CYP19A1: variants seen among roughly 807,000 people sequenced by gnomAD.
CYP19A1 encodes aromatase.
A neutral mutation model predicts 44.4 loss-of-function variants in CYP19A1; 32 were observed. That is an observed-to-expected ratio of 0.72 (90% CI 0.54 to 0.97). The LOEUF is 0.97. Ranked by LOEUF, CYP19A1 falls within the 50% of genes least tolerant of loss-of-function variation. CYP19A1 has a pLI of 0.00. For missense variants in CYP19A1, 598 were observed against 637.8 expected (o/e 0.94, Z 0.67); for synonymous variants, 212 against 215.6 (o/e 0.98, Z 0.14).
At chr15:51,291,861 A>G (rs977989395) in intron 1 of CYP19A1, among the ~76,000 whole-genome samples, 1 of 152,230 alleles carries the variant, frequency 6.6e-6, no homozygotes, top group African/African-American at 2.4e-5. Flanking sequence ...GGTAGAGGTA[A>G]CTTGGAGAGG....
At chr15:51,252,160 G>C (rs2034337457) in intron 1 of CYP19A1, among the ~76,000 whole-genome samples, 1 of 152,132 alleles carries the variant, frequency 6.6e-6, no homozygotes, top group East Asian at 1.9e-4. Flanking sequence ...GGCCCACTTT[G>C]GCCAACTTCT....
chr15:51,294,020 C>G (rs966103202), intron 1 of CYP19A1: 4 of 184,956 alleles, frequency 2.2e-5, no homozygotes, highest in Non-Finnish European at 3.2e-5. Flanking sequence ...GGCCGCCCAT[C>G]GTCTGGGATG....
At chr15:51,294,630 TG>T (rs1163255076) in intron 1 of CYP19A1, among the ~76,000 whole-genome samples, 3 of 104,064 alleles carry the variant, frequency 2.9e-5, no homozygotes, top group Non-Finnish European at 5.8e-5. Flanking sequence ...GGGAGGGAGG[TG>T]GGGGGGTCAG....
At chr15:51,311,872 A>C (rs576474140) in intron 1 of CYP19A1, among the ~76,000 whole-genome samples, 5 of 152,212 alleles carry the variant, frequency 3.3e-5, no homozygotes, top group Admixed American at 2.6e-4. Context: ...CCTCACCTGA[A>C]AAAAATCTCA....
At position 51,209,380 on chromosome 15, in the gene CYP19A1, A is replaced by G. The variant is rs534532483; in HGVS notation, c.*1428T>C. The G allele has an allele frequency of 6.6e-6, 1 of 152,306 alleles. No individual in the cohort carries two copies. The highest frequency in any genetic ancestry group is 1.9e-4 in the East Asian group (1 of 5,188). 9.4% of individuals were successfully genotyped at this position (152,306 alleles called of 1,614,324 possible). On this transcript the variant is annotated 3_prime_UTR_variant, in exon 10 of 10. Coordinates refer to ENST00000396402, the MANE Select transcript of CYP19A1 (RefSeq NM_000103.4). The stretch of plus-strand genomic sequence containing the variant: ...AAGAAAGTAGCTCCTGCTTTCAGGG[A>G]GATTACACTGTCATCTTATACTCAG...
chr15:51,222,503 A>G lies in CYP19A1; in HGVS notation c.474T>C (p.Val158=), dbSNP rs2032197783. The G allele has an allele frequency of 2.5e-6, 4 of 1,614,018 alleles. No individual in the cohort carries two copies. The highest frequency in any genetic ancestry group is 3.4e-6 in the Non-Finnish European group (4 of 1,179,948). ...FMKALSGPGL[V]RMVTVCAESL... is the part of the protein sequence containing the mutation. ...ATTCAGCACAGACTGTGACCATACG[A>G]ACAAGGCCGGGGCCTGACAGAGCTG... Residue 158 remains valine (V), a synonymous_variant, in exon 5 of 10, where the codon GTT becomes GTC. Transcript: ENST00000396402.
intron 1 of CYP19A1, among the ~76,000 whole-genome samples, chr15:51,284,513 A>C (rs1177815933): frequency 6.6e-6 from 1 of 152,240 alleles, no homozygotes; most frequent in African/African-American, 2.4e-5. Flanking sequence ...GAAGAGACTT[A>C]TTGCAACAAT....
rs28757107 is a variant in CYP19A1, at chr15:51,301,810, CA to C, written c.-39+36684del. 5.5e-3 allele frequency among the ~76,000 whole-genome samples: 840 copies of C among 152,272 alleles called. 11 individuals carry two copies. The highest frequency in any genetic ancestry group is 0.019 in the African/African-American group (809 of 41,552). ...TACTGGTTATGCTGGGATTTAAAAA[CA>C]AAAGTCCAAAGCATGTGGTGCCACC... On this transcript the variant is annotated intron_variant, in intron 1 of 9. Coordinates refer to ENST00000396402, the MANE Select transcript of CYP19A1 (RefSeq NM_000103.4).
chr15:51,245,882 A>G (rs941413309), intron 1 of CYP19A1, among the ~76,000 whole-genome samples: 2 of 152,202 alleles, frequency 1.3e-5, no homozygotes, highest in Non-Finnish European at 2.9e-5. Flanking sequence ...CCCAGCTCAT[A>G]TGTGACAGAG....
At chr15:51,269,827 T>C (rs2035059134) in intron 1 of CYP19A1, among the ~76,000 whole-genome samples, 1 of 152,166 alleles carries the variant, frequency 6.6e-6, no homozygotes, top group South Asian at 2.1e-4. Flanking sequence ...CCTCTCTTCT[T>C]TCACAGATTC....
chr15:51,218,026 A>C (rs1178129894), intron 6 of CYP19A1, among the ~76,000 whole-genome samples: 1 of 152,192 alleles, frequency 6.6e-6, no homozygotes, highest in East Asian at 1.9e-4. Context: ...CAGGACCCCC[A>C]AAACACAAGA....
At position 51,209,671 on chromosome 15, in the gene CYP19A1, A is replaced by G. The variant is rs1595661115; in HGVS notation, c.*1137T>C. The G allele has an allele frequency of 6.6e-6, 1 of 152,624 alleles. No individual in the cohort carries two copies. The highest frequency in any genetic ancestry group is 1.5e-5 in the Non-Finnish European group (1 of 68,058). The allele number at this position is 152,624 out of a possible 1,614,324, so 9.5% of individuals were successfully genotyped here. On this transcript the variant is annotated 3_prime_UTR_variant, in exon 10 of 10. Transcript: ENST00000396402. ...GATTCAATGAACTAGATAATGTTAA[A>G]TCTCTCAGGTAACTGTTAAATTTTG...
At chr15:51,240,161 T>G (rs377761852) in intron 2 of CYP19A1, among the ~76,000 whole-genome samples, 1 of 151,110 alleles carries the variant, frequency 6.6e-6, no homozygotes, top group East Asian at 2.0e-4. Context: ...TTTCCTTGAC[T>G]GTCTTTACTA....
chr15:51,326,751 C>T (rs922786372), intron 1 of CYP19A1, among the ~76,000 whole-genome samples: 13 of 152,268 alleles, frequency 8.5e-5, no homozygotes, highest in African/African-American at 2.6e-4. Context: ...GATAATGATA[C>T]CATCTAACAA....
At chr15:51,266,533 C>T (rs1020360532) in intron 1 of CYP19A1, among the ~76,000 whole-genome samples, 11 of 152,218 alleles carry the variant, frequency 7.2e-5, no homozygotes, top group Non-Finnish European at 1.3e-4. Flanking sequence ...ACCTCGGAGT[C>T]GAGGATTCCT....
At chr15:51,289,231 T>C (rs1218486128) in intron 1 of CYP19A1, among the ~76,000 whole-genome samples, 1 of 152,224 alleles carries the variant, frequency 6.6e-6, no homozygotes, top group Non-Finnish European at 1.5e-5. Flanking sequence ...TACATAAATC[T>C]TTACATTTCA....
chr15:51,242,620 C>T (rs911829223), intron 2 of CYP19A1, 148 bp downstream of exon 2: 8 of 660,014 alleles, frequency 1.2e-5, no homozygotes, highest in South Asian at 1.2e-4. Context: ...AAAATTTTCT[C>T]CCAAGTCCTC....
intron 6 of CYP19A1, 90 bp downstream of exon 6, chr15:51,218,451 T>C (rs140805598): frequency 6.6e-7 from 1 of 1,524,552 alleles, no homozygotes; most frequent in Non-Finnish European, 8.8e-7. Flanking sequence ...GCAGAAAAGT[T>C]ACCTGAGAGG....
intron 1 of CYP19A1, among the ~76,000 whole-genome samples, chr15:51,315,606 A>T (rs1370252787): frequency 6.6e-6 from 1 of 152,214 alleles, no homozygotes; most frequent in Non-Finnish European, 1.5e-5. Flanking sequence ...CTGTTGGTAG[A>T]GGCTCAAGAA....
Sources: allele counts gnomAD v4.1 joint callset (sites outside exome capture counted in the v4.1 genomes callset), GRCh38; gene constraint gnomAD v4.1.1; transcripts MANE v1.5; gene names NCBI Gene and HGNC (gene_info 2026-07-23, HGNC 2026-07-21).